The following RTN1 variants were observed in gnomAD, a reference collection of about 807,000 sequenced individuals.
RTN1 encodes the protein reticulon 1, also known as reticulon-1.
Under a neutral mutation model 65.5 loss-of-function variants are expected in RTN1, and 25 were observed. That is an observed-to-expected ratio of 0.38 (90% CI 0.28 to 0.53). RTN1 has a LOEUF of 0.53. RTN1 is among the 20% of genes least tolerant of loss of function. The pLI, the probability that RTN1 is intolerant of heterozygous loss-of-function variation, is 0.79. For synonymous variants in RTN1, 471 were observed against 447.6 expected (o/e 1.05, Z -0.66); for missense variants, 983 against 1,025.4 (o/e 0.96, Z 0.57).
chr14:59,765,314 G>T (rs1311677947), intron 1 of RTN1, among the ~76,000 whole-genome samples: 1 of 152,196 alleles, frequency 6.6e-6, no homozygotes, highest in Non-Finnish European at 1.5e-5. Context: ...CTGTAGAAGT[G>T]CCTGGTTATG....
chr14:59,630,542 G>C (rs745396148), intron 3 of RTN1: 4 of 1,611,668 alleles, frequency 2.5e-6, no homozygotes, highest in South Asian at 1.1e-5. Context: ...GGCTCTCCTC[G>C]GGGGCGCCGA....
rs1425324202 is a variant in RTN1 at position 59,614,822 on chromosome 14, C to G, written c.1766-7330G>C. Among the ~76,000 whole-genome samples, 3 of 152,190 alleles carry G rather than the reference C, an allele frequency of 2.0e-5. No homozygotes were observed. The East Asian group carries it at 5.8e-4, about 29-fold the overall frequency. On this transcript the variant is annotated intron_variant, in intron 3 of 8. Coordinates refer to ENST00000267484, the MANE Select transcript of RTN1 (RefSeq NM_021136.3). ...CTTAGTAGATAATTAAAATCTCTTA[C>G]TTATCAGGTTTTTCACTAAAAATAA...
At chr14:59,674,807 C>A (rs1238457425) in intron 3 of RTN1, among the ~76,000 whole-genome samples, 2 of 152,210 alleles carry the variant, frequency 1.3e-5, no homozygotes, top group East Asian at 3.9e-4. Flanking sequence ...TAATAAGTAT[C>A]TCAAAATTGC....
At chr14:59,867,043 C>G (rs1162071578) in intron 1 of RTN1, among the ~76,000 whole-genome samples, 1 of 152,152 alleles carries the variant, frequency 6.6e-6, no homozygotes, top group East Asian at 1.9e-4. Flanking sequence ...TGCAGCAAAT[C>G]ATATTGGACT....
At chr14:59,859,290 G>C (rs949370290) in intron 1 of RTN1, among the ~76,000 whole-genome samples, 2 of 152,150 alleles carry the variant, frequency 1.3e-5, no homozygotes, top group African/African-American at 4.8e-5. Flanking sequence ...TCCTGTTCTC[G>C]TGATAGCGAG....
chr14:59,636,929 C>T (rs912279119), intron 3 of RTN1, among the ~76,000 whole-genome samples: 1 of 152,108 alleles, frequency 6.6e-6, no homozygotes, highest in Non-Finnish European at 1.5e-5. Flanking sequence ...GAGGGTCTTG[C>T]CTCGATGTTG....
chr14:59,672,061 C>T (rs1883516063), intron 3 of RTN1, among the ~76,000 whole-genome samples: 1 of 152,160 alleles, frequency 6.6e-6, no homozygotes. Flanking sequence ...TCAGCCTTGC[C>T]TTCTCTCTTG....
chr14:59,775,154 G>C (rs1231159625), intron 1 of RTN1, among the ~76,000 whole-genome samples: 3 of 152,140 alleles, frequency 2.0e-5, no homozygotes, highest in African/African-American at 2.4e-5. Context: ...TAAGAGGGGA[G>C]TATCTCAGAC....
Position 59,634,171 on chromosome 14 carries a change from C to T in RTN1, c.1766-26679G>A, listed in dbSNP as rs180887757. Among the ~76,000 whole-genome samples, 526 of 152,144 alleles carry T rather than the reference C, an allele frequency of 3.5e-3. 3 individuals are homozygous for T. The highest frequency in any genetic ancestry group is 0.011 in the African/African-American group (472 of 41,484). On this transcript the variant is annotated intron_variant, in intron 3 of 8. Transcript: ENST00000267484. ...TTTATAAGGAGGGTCAGCAAAGGCC[C>T]GGAGCAGACACCTAAAGGAGCAGGA...
Position 59,677,449 on chromosome 14 carries a change from C to T in RTN1, c.1765+49470G>A, listed in dbSNP as rs776732462. On this transcript the variant is annotated intron_variant, in intron 3 of 8. Transcript: ENST00000267484. ...GTAGGGACACAAGAAAGTAGGGACA[C>T]GAGAAAGATTCACTTTTTTAAGGAG... Among the ~76,000 whole-genome samples the T allele has an allele frequency of 3.9e-5, 6 of 152,042 alleles. 1 individual carries two copies. Among genetic ancestry groups the T allele is most frequent in the East Asian group, 1.9e-4 (1 of 5,180 alleles).
At chr14:59,636,682 TG>T (rs1882673132) in intron 3 of RTN1, among the ~76,000 whole-genome samples, 1 of 152,214 alleles carries the variant, frequency 6.6e-6, no homozygotes, top group Admixed American at 6.5e-5. Context: ...AGAGATATTG[TG>T]GGTTCTGTTT....
intron 1 of RTN1, among the ~76,000 whole-genome samples, chr14:59,832,315 T>A (rs1431477139): frequency 1.3e-5 from 2 of 152,200 alleles, no homozygotes; most frequent in Non-Finnish European, 2.9e-5. Context: ...CTACATCTTT[T>A]TTTTTTCGTT....
chr14:59,636,907 T>C lies in RTN1; in HGVS notation c.1766-29415A>G, dbSNP rs567552509. 5.9e-5 allele frequency among the ~76,000 whole-genome samples: 9 copies of C among 152,340 alleles called. No individual in the cohort carries two copies. The South Asian group carries it at 1.7e-3, about 28-fold the overall frequency. Reference sequence around the variant, plus strand: ...GAGCCTTCAGTAATTCATAATAATCTTTTTGCTGGTGGAGGGTCTTGCCTC... The same window carrying C: ...GAGCCTTCAGTAATTCATAATAATCCTTTTGCTGGTGGAGGGTCTTGCCTC... On this transcript the variant is annotated intron_variant, in intron 3 of 8. Transcript: ENST00000267484.
At chr14:59,625,273 AT>A (rs1276200229) in intron 3 of RTN1, among the ~76,000 whole-genome samples, 3 of 152,218 alleles carry the variant, frequency 2.0e-5, no homozygotes, top group African/African-American at 7.2e-5. Context: ...ACAATAATAG[AT>A]TTGAAGATGT....
At chr14:59,640,063 C>T (rs1882744869) in intron 3 of RTN1, among the ~76,000 whole-genome samples, 1 of 152,072 alleles carries the variant, frequency 6.6e-6, no homozygotes, top group African/African-American at 2.4e-5. Flanking sequence ...CCTCACAAAG[C>T]AAGTTAGAAA....
At chr14:59,759,185 C>T (rs894480880) in intron 1 of RTN1, among the ~76,000 whole-genome samples, 11 of 152,172 alleles carry the variant, frequency 7.2e-5, no homozygotes, top group African/African-American at 2.7e-4. Context: ...AATGCAAGGC[C>T]TTCCCAATCT....
rs145845359 is a variant in RTN1, at chr14:59,746,421, T to G, written c.302A>C (p.Glu101Ala). ...AATGAGAGATGTGTAACACGATCCTTCCCCATCTTTTGATGTTGTTGAGAA... is the reference window on the plus strand; with the variant it reads ...AATGAGAGATGTGTAACACGATCCTGCCCCATCTTTTGATGTTGTTGAGAA... ...HTFSTTSKDGEGSCYTSLISD... is the reference protein window; with the variant it reads ...HTFSTTSKDGAGSCYTSLISD... The change falls in exon 2 of 9, where the codon GAA (glutamate) becomes GCA (alanine). Residue 101 changes from glutamate (E) to alanine (A), a missense_variant. By Grantham distance (107) the Glu-to-Ala change is moderately radical (BLOSUM62 -1). Coordinates refer to ENST00000267484, the MANE Select transcript of RTN1 (RefSeq NM_021136.3). 3.1e-4 allele frequency: 507 copies of G among 1,612,666 alleles called. 1 individual carries two copies. The highest frequency in any genetic ancestry group is 4.1e-4 in the Non-Finnish European group (485 of 1,179,332).
chr14:59,772,563 A>G (rs1330390081), intron 1 of RTN1, among the ~76,000 whole-genome samples: 1 of 151,768 alleles, frequency 6.6e-6, no homozygotes, highest in Non-Finnish European at 1.5e-5. Flanking sequence ...GTGGAAATAC[A>G]GTAAAAGGAA....
At chr14:59,602,942 C>A in intron 8 of RTN1, 123 bp downstream of exon 8, 1 of 650,388 alleles carries the variant, frequency 1.5e-6, no homozygotes, top group Admixed American at 3.2e-5. Context: ...TATATGATTC[C>A]AGTAAGTGAA....
Sources: gnomAD v4.1 joint callset for allele counts (sites outside exome capture counted in the v4.1 genomes callset) on GRCh38, gnomAD v4.1.1 for gene constraint, MANE v1.5 for transcripts, NCBI Gene and HGNC (gene_info 2026-07-23, HGNC 2026-07-21) for gene names.